Variants in ZNF841 observed in about 807,000 individuals in gnomAD.
The protein encoded by ZNF841 is TCONS_00006091.
In ZNF841, 11 loss-of-function variants were observed where a neutral mutation model predicts 13.0. That is an observed-to-expected ratio of 0.85 (90% CI 0.53 to 1.40). ZNF841 has a LOEUF of 1.40. Ranked by LOEUF, ZNF841 falls within the 40% of genes most tolerant of loss-of-function variation. The pLI is 0.00. For missense variants in ZNF841, 1,068 were observed against 1,139.5 expected (o/e 0.94, Z 0.90); for synonymous variants, 369 against 381.6 (o/e 0.97, Z 0.38).
chr19:52,067,421 T>C lies in ZNF841; in HGVS notation c.461A>G (p.Glu154Gly), dbSNP rs752781833. 2 of 1,548,540 alleles carry C rather than the reference T, an allele frequency of 1.3e-6. No individual in the cohort carries two copies. The highest frequency in any genetic ancestry group is 8.7e-7 in the Non-Finnish European group (1 of 1,146,244). Residue 154 changes from glutamate (E) to glycine (G), a missense_variant, in exon 7 of 7, where the codon GAA becomes GGA. Glu to Gly is a moderately conservative substitution (Grantham distance 98). Coordinates refer to ENST00000594440, the MANE Select transcript of ZNF841 (RefSeq NM_001136499.2). ...QWKDGEINYK[E>G]GPMTHKNNLT... ...ATTGTTTTTATGGGTCATCGGCCCT[T>C]CTTTATAATTTATTTCACCATCTTT... is the stretch of plus-strand genomic sequence containing the variant.
intron 2 of ZNF841, among the ~76,000 whole-genome samples, chr19:52,090,683 GAA>G (rs368626224): frequency 1.4e-5 from 2 of 147,054 alleles, no homozygotes; most frequent in East Asian, 2.1e-4. Context: ...AAGAAAGAAA[GAA>G]AGAAAGAAAG....
intron 2 of ZNF841, among the ~76,000 whole-genome samples, chr19:52,089,363 C>A (rs374065530): frequency 6.6e-6 from 1 of 152,094 alleles, no homozygotes; most frequent in African/African-American, 2.4e-5. Context: ...CATTAATGAG[C>A]CAGGCATGAT....
rs562132977 is a variant in ZNF841, at chr19:52,076,797, G to C, written c.142+161C>G. 5.7e-4 allele frequency: 434 copies of C among 758,350 alleles called. 5 individuals are homozygous for C. The Middle Eastern group carries it at 6.3e-3, about 11-fold the overall frequency. The allele number at this position is 758,350 out of a possible 1,614,324, so 47.0% of individuals were successfully genotyped here. On this transcript the variant is annotated intron_variant, in intron 5 of 6. Transcript: ENST00000594440. ...GGAAGCAGAATATCCATAGAAATGG[G>C]ACAGTTAAAGGCCAGATGCAGCATT...
At position 52,086,746 on chromosome 19, in the gene ZNF841, G is replaced by A. The variant is rs150225095; in HGVS notation, c.-77-1868C>T. On this transcript the variant is annotated intron_variant, in intron 3 of 6. Transcript: ENST00000594440. ...CAGAGGAAAGTGTGAAATGGTCAGG[G>A]AGGTGACAAGAAAATCAAATAGCTC... Among the ~76,000 whole-genome samples the A allele has an allele frequency of 4.9e-3, 751 of 152,328 alleles. 3 individuals are homozygous for A. Among genetic ancestry groups the A allele is most frequent in the Non-Finnish European group, 8.0e-3 (546 of 68,020 alleles).
In ZNF841 at chr19:52,065,514, CT is replaced by C. The variant is rs763427497; in HGVS notation, c.2367del (p.Glu790ArgfsTer24). Reference sequence around the variant, plus strand: ...CACTCATTACATTTGTAAGGTTTCTCTCCAGTATGAATACTCCAATGACGTG... The same window carrying C: ...CACTCATTACATTTGTAAGGTTTCTCCCAGTATGAATACTCCAATGACGTG... ...GLARHWSIHT[G>X]EKPYKCNECG... On this transcript the variant is annotated frameshift_variant, in exon 7 of 7. Transcript: ENST00000594440. LOFTEE classifies it low-confidence loss of function (END_TRUNC). 1 of 1,614,184 alleles carries C rather than the reference CT, an allele frequency of 6.2e-7. No homozygotes were observed. The highest frequency in any genetic ancestry group is 8.5e-7 in the Non-Finnish European group (1 of 1,180,026).
downstream of ZNF841, among the ~76,000 whole-genome samples, chr19:52,063,325 T>C (rs1430407777): frequency 6.6e-6 from 1 of 152,108 alleles, no homozygotes; most frequent in Non-Finnish European, 1.5e-5. Flanking sequence ...ATAAATTCTC[T>C]CAAACTCCAA....
chr19:52,066,748 A>C lies in ZNF841; in HGVS notation c.1134T>G (p.Cys378Trp), dbSNP rs750013834. 1 of 1,612,356 alleles carries C rather than the reference A, an allele frequency of 6.2e-7. No individual in the cohort carries two copies. Among genetic ancestry groups the C allele is most frequent in the South Asian group, 1.1e-5 (1 of 90,892 alleles). The change falls in exon 7 of 7, where the codon TGT (cysteine) becomes TGG (tryptophan). Residue 378 changes from cysteine to tryptophan, a missense_variant. Transcript: ENST00000594440. ...TGEKPYKCNR[C>W]GKCFSQSSSL... Reference sequence around the variant, plus strand: ...AGGAACTTTGACTAAAGCACTTCCCACATCGATTACATTTGTAAGGTTTCT... The same window carrying C: ...AGGAACTTTGACTAAAGCACTTCCCCCATCGATTACATTTGTAAGGTTTCT...
intron 2 of ZNF841, among the ~76,000 whole-genome samples, chr19:52,093,459 TG>T (rs2088571456): frequency 1.3e-5 from 2 of 152,164 alleles, no homozygotes; most frequent in African/African-American, 2.4e-5. Flanking sequence ...CACAGGCTGC[TG>T]GGGGGTGAAA....
chr19:52,059,595 A>G (rs1032616367), downstream of ZNF841, among the ~76,000 whole-genome samples: 1 of 151,832 alleles, frequency 6.6e-6, no homozygotes. Flanking sequence ...CATGCTAATT[A>G]TACCTTAAAA....
At chr19:52,084,731 G>A in intron 4 of ZNF841, 56 bp downstream of exon 4, 1 of 1,595,552 alleles carries the variant, frequency 6.3e-7, no homozygotes, top group South Asian at 1.1e-5. Context: ...CAGCTCCAAT[G>A]CCCTGCATTT....
chr19:52,075,179 A>T (rs2087860270), intron 6 of ZNF841, among the ~76,000 whole-genome samples: 1 of 152,228 alleles, frequency 6.6e-6, no homozygotes, highest in African/African-American at 2.4e-5. Flanking sequence ...AAATGCATTT[A>T]TCCAAAGCAA....
At chr19:52,077,780 G>A (rs769274718) in intron 4 of ZNF841, among the ~76,000 whole-genome samples, 1 of 152,188 alleles carries the variant, frequency 6.6e-6, no homozygotes, top group Non-Finnish European at 1.5e-5. Flanking sequence ...AAATAAGAGA[G>A]ACTAACTAAC....
chr19:52,074,624 C>T (rs2123272658), intron 6 of ZNF841, among the ~76,000 whole-genome samples: 1 of 152,298 alleles, frequency 6.6e-6, no homozygotes, highest in East Asian at 1.9e-4. Context: ...TTGAGAGATT[C>T]TCCTGCCTCA....
downstream of ZNF841, among the ~76,000 whole-genome samples, chr19:52,062,871 ATTTTT>A (rs34996737): frequency 1.0e-4 from 12 of 120,130 alleles, no homozygotes; most frequent in Non-Finnish European, 1.5e-4. Context: ...CTGTTGAGAA[ATTTTT>A]TTTTTTTTTT....
chr19:52,079,343 G>C (rs2088013663), intron 4 of ZNF841, among the ~76,000 whole-genome samples: 1 of 142,984 alleles, frequency 7.0e-6, no homozygotes, highest in African/African-American at 2.6e-5. Flanking sequence ...AAATTTAACA[G>C]ATTAAGATAG....
chr19:52,093,993 T>C (rs1245219658), intron 1 of ZNF841, 22 bp from the exon 2 acceptor site: 3 of 150,810 alleles, frequency 2.0e-5, no homozygotes, highest in African/African-American at 7.5e-5. Context: ...AGAGAGACCA[T>C]GTCCCCCCCC....
At chr19:52,091,006 A>G (rs1009516270) in intron 2 of ZNF841, among the ~76,000 whole-genome samples, 6 of 152,216 alleles carry the variant, frequency 3.9e-5, no homozygotes, top group South Asian at 2.1e-4. Flanking sequence ...GCTTCTCCCT[A>G]TCTCCTTTAC....
At chr19:52,070,905 G>C (rs1455645604) in intron 6 of ZNF841, among the ~76,000 whole-genome samples, 1 of 152,168 alleles carries the variant, frequency 6.6e-6, no homozygotes, top group African/African-American at 2.4e-5. Context: ...GTCAGTAACT[G>C]GGTAGTCCAT....
At chr19:52,076,816 C>A in intron 5 of ZNF841, 142 bp downstream of exon 5, 1 of 981,488 alleles carries the variant, frequency 1.0e-6, no homozygotes, top group Non-Finnish European at 1.5e-6. Context: ...AGGCCAGATG[C>A]AGCATTATGA....
Sources: gnomAD v4.1 joint callset for allele counts (sites outside exome capture counted in the v4.1 genomes callset) on GRCh38, gnomAD v4.1.1 for gene constraint, MANE v1.5 for transcripts, NCBI Gene and HGNC (gene_info 2026-07-23, HGNC 2026-07-21) for gene names.